MCC: variants seen among roughly 807,000 people sequenced by gnomAD.
MCC encodes the protein MCC regulator of Wnt signaling pathway.
In MCC, 90 loss-of-function variants were observed where a neutral mutation model predicts 116.2. That is an observed-to-expected ratio of 0.77 (90% CI 0.65 to 0.92). The LOEUF (loss-of-function observed/expected upper bound fraction) is 0.92. Among genes scored for constraint, MCC ranks in the 40% least tolerant of loss-of-function variants. The pLI, the probability that MCC is intolerant of heterozygous loss-of-function variation, is 0.00. For synonymous variants in MCC, 578 were observed against 510.5 expected, an observed-to-expected ratio of 1.13 and a Z score of -1.78; for missense variants, 1,516 against 1,312.2, an observed-to-expected ratio of 1.16 and a Z score of -2.40.
At chr5:113,140,990 C>T (rs550173459) in intron 5 of MCC, among the ~76,000 whole-genome samples, 3 of 152,132 alleles carry the variant, frequency 2.0e-5, no homozygotes, top group Admixed American at 6.5e-5. Flanking sequence ...TGTGTGAGGG[C>T]GCTTCCAGAG....
At chr5:113,364,238 G>GAAAAAAAAAAAAAAAAAAAAACAA (rs1768626337) in intron 2 of MCC, among the ~76,000 whole-genome samples, 28 of 49,422 alleles carry the variant, frequency 5.7e-4, no homozygotes, top group South Asian at 1.7e-3. Context: ...CTCAAAAACA[G>GAAAAAAAAAAAAAAAAAAAAACAA]AAAAAAAAAA....
rs570050472 is a variant in MCC at position 113,185,855 on chromosome 5, A to G, written c.628-34433T>C. On this transcript the variant is annotated intron_variant, in intron 3 of 18. Coordinates refer to ENST00000408903, the MANE Select transcript of MCC (RefSeq NM_001085377.2). ...ACACTCTGCAATCTTAGGGTATAGT[A>G]ACAGAGGCCATATAAGGAAATGAAT... 3.3e-5 allele frequency among the ~76,000 whole-genome samples: 5 copies of G among 152,324 alleles called. No homozygotes were observed. The East Asian group carries it at 9.6e-4, about 29-fold the overall frequency.
intron 3 of MCC, among the ~76,000 whole-genome samples, chr5:113,220,456 T>C (rs1366019549): frequency 6.6e-6 from 1 of 152,182 alleles, no homozygotes; most frequent in Non-Finnish European, 1.5e-5. Context: ...AGTTTTCTGA[T>C]CTATGAATAC....
At position 113,068,040 on chromosome 5, in the gene MCC, G is replaced by C. The variant is rs1464250682; in HGVS notation, c.2029+40C>G. 4 of 1,524,418 alleles carry C rather than the reference G, an allele frequency of 2.6e-6. No homozygotes were observed. In the African/African-American group the frequency reaches 4.1e-5, roughly 16 times the overall value. The allele number at this position is 1,524,418 out of a possible 1,614,324, so 94.4% of individuals were successfully genotyped here. A position where few individuals can be genotyped will look rare whatever the true frequency, so the allele number is the denominator to read the frequency against. On this transcript the variant is annotated intron_variant, in intron 13 of 18. Transcript: ENST00000408903. The stretch of plus-strand genomic sequence containing the variant: ...GACAGGGGCAGAAGCAAAGGAGGCA[G>C]GGAGACAAGAGGAGGAAGAGGGACT...
At chr5:113,364,626 C>T (rs1768640732) in intron 2 of MCC, among the ~76,000 whole-genome samples, 1 of 152,236 alleles carries the variant, frequency 6.6e-6, no homozygotes, top group South Asian at 2.1e-4. Context: ...CACATTTCCC[C>T]TTCATATTGT....
chr5:113,108,331 TAAAAAAAAA>T (rs56780207), intron 6 of MCC, among the ~76,000 whole-genome samples: 15 of 42,768 alleles, frequency 3.5e-4, no homozygotes, highest in African/African-American at 9.1e-4. Context: ...CACTCTATCT[TAAAAAAAAA>T]AAAAAAAAAA....
chr5:113,315,437 G>A (rs565030273), intron 3 of MCC, among the ~76,000 whole-genome samples: 5 of 152,248 alleles, frequency 3.3e-5, no homozygotes, highest in East Asian at 1.9e-4. Context: ...AAGAGAAGAC[G>A]TTGACAATTT....
intron 8 of MCC, among the ~76,000 whole-genome samples, chr5:113,100,405 T>C (rs147622548): frequency 1.3e-5 from 2 of 151,018 alleles, no homozygotes; most frequent in Non-Finnish European, 3.0e-5. Flanking sequence ...GTCTTTTTTA[T>C]GGCTAAGGGA....
At chr5:113,400,537 T>C (rs1180753105) in intron 1 of MCC, among the ~76,000 whole-genome samples, 2 of 152,218 alleles carry the variant, frequency 1.3e-5, no homozygotes, top group Non-Finnish European at 2.9e-5. Flanking sequence ...ACATTTGGTA[T>C]TAAGCAAGAC....
intron 13 of MCC, 99 bp from the exon 14 acceptor site, chr5:113,064,266 G>GA: frequency 8.9e-7 from 1 of 1,129,624 alleles, no homozygotes. Context: ...TAGGGCAGAG[G>GA]TGGCACTGTG....
intron 1 of MCC, among the ~76,000 whole-genome samples, chr5:113,467,204 C>G (rs1771935098): frequency 6.6e-6 from 1 of 151,874 alleles, no homozygotes; most frequent in Non-Finnish European, 1.5e-5. Flanking sequence ...TCCCATTTGT[C>G]AATTTTGGTT....
At chr5:113,096,238 C>G (rs571651483) in intron 8 of MCC, among the ~76,000 whole-genome samples, 2 of 152,232 alleles carry the variant, frequency 1.3e-5, no homozygotes, top group Non-Finnish European at 2.9e-5. Context: ...GTAGAGGACA[C>G]TTGGAGAAGC....
chr5:113,434,300 C>G lies in MCC; in HGVS notation c.171-49088G>C, dbSNP rs34936289. 90 of 1,613,790 alleles carry G rather than the reference C, an allele frequency of 5.6e-5. No individual in the cohort carries two copies. Among genetic ancestry groups the G allele is most frequent in the Non-Finnish European group, 7.4e-5 (87 of 1,179,952 alleles). On this transcript the variant is annotated intron_variant, in intron 1 of 18. Transcript: ENST00000408903. This position sits in a 1 kb window ranked among gnomAD's most constrained non-coding sequence, Gnocchi z 4.2. ...CCTGCAGCACCTCTGGGGCCGCATA[C>G]GCTGGTGACCCACAGAAGGTCTTGC...
intron 5 of MCC, among the ~76,000 whole-genome samples, chr5:113,132,164 C>T (rs1370341485): frequency 2.0e-5 from 3 of 150,998 alleles, no homozygotes; most frequent in Admixed American, 2.0e-4. Flanking sequence ...TGGAACTTTA[C>T]AAGGATTCAA....
At chr5:113,277,508 C>A (rs1267862867) in intron 3 of MCC, among the ~76,000 whole-genome samples, 1 of 152,094 alleles carries the variant, frequency 6.6e-6, no homozygotes, top group African/African-American at 2.4e-5. Flanking sequence ...TTATCCTGCC[C>A]TTTCTGTAAG....
At chr5:113,086,266 G>A (rs942107219) in intron 8 of MCC, among the ~76,000 whole-genome samples, 8 of 152,228 alleles carry the variant, frequency 5.3e-5, no homozygotes, top group Non-Finnish European at 8.8e-5. Context: ...CAATCTTAAA[G>A]GAGAACAAGT....
intron 3 of MCC, among the ~76,000 whole-genome samples, chr5:113,194,690 A>C (rs1025502874): frequency 1.3e-5 from 2 of 152,108 alleles, no homozygotes; most frequent in African/African-American, 2.4e-5. Context: ...AAGAAAAAGA[A>C]GAAAGGGGAA....
intron 3 of MCC, among the ~76,000 whole-genome samples, chr5:113,238,101 C>T (rs1443535030): frequency 2.6e-5 from 4 of 152,160 alleles, no homozygotes; most frequent in Non-Finnish European, 1.5e-5. Flanking sequence ...TGGCTTCCCT[C>T]ATGGCATAAG....
At position 113,023,617 on chromosome 5, in the gene MCC, C is replaced by A. The variant is rs1394488453; in HGVS notation, c.*3685G>T. 2 of 152,180 alleles carry A rather than the reference C, an allele frequency of 1.3e-5. No individual in the cohort carries two copies. The highest frequency in any genetic ancestry group is 1.3e-4 in the Admixed American group (2 of 15,276). 9.4% of individuals were successfully genotyped at this position (152,180 alleles called of 1,614,324 possible). A position where few individuals can be genotyped will look rare whatever the true frequency, so the allele number is the denominator to read the frequency against. Reference sequence around the variant, plus strand: ...ATACTCTAACTAGTAGCTCTGTTTGCTGAATCTAGAAGTAGGTAGAGCTGT... The same window carrying A: ...ATACTCTAACTAGTAGCTCTGTTTGATGAATCTAGAAGTAGGTAGAGCTGT... On this transcript the variant is annotated 3_prime_UTR_variant, in exon 19 of 19. Coordinates refer to ENST00000408903, the MANE Select transcript of MCC (RefSeq NM_001085377.2).
Sources: allele counts gnomAD v4.1 joint callset (sites outside exome capture counted in the v4.1 genomes callset), GRCh38; gene constraint gnomAD v4.1.1; non-coding constraint Gnocchi (gnomAD v3.1); transcripts MANE v1.5; gene names NCBI Gene and HGNC (gene_info 2026-07-23, HGNC 2026-07-21).